Variants in TMEM40 observed in about 807,000 individuals in gnomAD.
TMEM40 encodes transmembrane protein 40.
In TMEM40, 34 loss-of-function variants were observed where a neutral mutation model predicts 40.8. That is an observed-to-expected ratio of 0.83 (90% CI 0.63 to 1.11). The LOEUF is 1.11. TMEM40 is among the 50% of genes least tolerant of loss of function. TMEM40 has a pLI of 0.00. For synonymous variants in TMEM40, 106 were observed against 107.0 expected, an observed-to-expected ratio of 0.99 and a Z score of 0.06; for missense variants, 296 against 280.2, an observed-to-expected ratio of 1.06 and a Z score of -0.40.
At chr3:12,746,493 G>T (rs2106614029) in intron 3 of TMEM40, among the ~76,000 whole-genome samples, 1 of 152,280 alleles carries the variant, frequency 6.6e-6, no homozygotes. Flanking sequence ...AAAATTAACT[G>T]GATTAAAACA....
At chr3:12,745,197 T>A (rs140283690) in intron 3 of TMEM40, among the ~76,000 whole-genome samples, 2,472 of 150,888 alleles carry the variant, frequency 0.016, 41 homozygotes, top group African/African-American at 0.036. Context: ...GTAGCTCAGA[T>A]TACAGGCGTG....
At position 12,749,828 on chromosome 3, in the gene TMEM40, T is replaced by G. The variant is rs534045803; in HGVS notation, c.5A>C (p.Glu2Ala). The G allele has an allele frequency of 4.3e-6, 7 of 1,613,954 alleles. No homozygotes were observed. The Admixed American group carries it at 1.2e-4, about 27-fold the overall frequency. M[E>A]TSASSSQPQD... ...AGGCTGGGAGGAGGATGCTGAAGTCTCCATGGCTTTTCCTGGAGGAATAAC... is the reference window on the plus strand; with the variant it reads ...AGGCTGGGAGGAGGATGCTGAAGTCGCCATGGCTTTTCCTGGAGGAATAAC... Residue 2 changes from glutamate to alanine, a missense_variant, in exon 2 of 12, where the codon GAG becomes GCG. Transcript: ENST00000314124.
intron 5 of TMEM40, 197 bp from the exon 6 acceptor site, chr3:12,738,785 T>C: frequency 1.7e-6 from 1 of 581,152 alleles, no homozygotes; most frequent in Non-Finnish European, 3.1e-6. Flanking sequence ...AAAGCTGCTG[T>C]AGGAACGCCT....
rs2061353366 is a variant in TMEM40 at position 12,738,299 on chromosome 3, TTC to T, written c.392-133_392-132del. The stretch of plus-strand genomic sequence containing the variant: ...GAATTCTGCAGCCCCCACGGTATCC[TTC>T]TCTCTATTGATGGCTGGTTGGTTGT... On this transcript the variant is annotated intron_variant, in intron 6 of 11. Transcript: ENST00000314124. The T allele has an allele frequency of 2.1e-5, 23 of 1,091,716 alleles. No individual in the cohort carries two copies. The South Asian group carries it at 3.1e-4, about 14-fold the overall frequency. 67.6% of individuals were successfully genotyped at this position (1,091,716 alleles called of 1,614,324 possible).
rs371954657 is a variant in TMEM40, at chr3:12,752,360, A to G, written c.-8-2520T>C. Among the ~76,000 whole-genome samples the G allele has an allele frequency of 1.2e-4, 18 of 152,284 alleles. 2 individuals are homozygous for G. The highest frequency in any genetic ancestry group is 2.6e-4 in the Admixed American group (4 of 15,290). On this transcript the variant is annotated intron_variant, in intron 1 of 11. Transcript: ENST00000314124. ...AGCCGGGAACAAAGGAAAAATGATG[A>G]TAACAAGCAGCTATAAGTGCCTACT...
chr3:12,737,958 G>A, intron 7 of TMEM40, 178 bp downstream of exon 7: 2 of 968,230 alleles, frequency 2.1e-6, no homozygotes, highest in Admixed American at 4.3e-5. Flanking sequence ...TTAGGCCCGA[G>A]TCTGCCTTCC....
At chr3:12,737,557 G>A in intron 8 of TMEM40, 150 bp downstream of exon 8, 1 of 722,376 alleles carries the variant, frequency 1.4e-6, no homozygotes. Flanking sequence ...CCACCCTGTT[G>A]AGGTGATTCT....
At chr3:12,760,085 A>T (rs1054027326), upstream of TMEM40, among the ~76,000 whole-genome samples, 1 of 152,140 alleles carries the variant, frequency 6.6e-6, no homozygotes, top group Non-Finnish European at 1.5e-5. Flanking sequence ...CACACTCTGT[A>T]TCTGACCCAT....
chr3:12,755,688 CA>C (rs1184561841), intron 1 of TMEM40, among the ~76,000 whole-genome samples: 2 of 152,168 alleles, frequency 1.3e-5, no homozygotes. Context: ...CCCTGATGTG[CA>C]CCCTTGGCTC....
intron 1 of TMEM40, among the ~76,000 whole-genome samples, chr3:12,755,353 G>A (rs544281755): frequency 1.3e-5 from 2 of 151,104 alleles, no homozygotes; most frequent in East Asian, 3.9e-4. Flanking sequence ...ATGGCTCACT[G>A]CAGCCTTGAA....
At chr3:12,742,053 A>C (rs567081874) in intron 5 of TMEM40, among the ~76,000 whole-genome samples, 1 of 152,270 alleles carries the variant, frequency 6.6e-6, no homozygotes, top group Admixed American at 6.5e-5. Context: ...AACATAGTGA[A>C]ACCCTGTCTC....
At chr3:12,758,142 A>AG (rs1458176069) in intron 1 of TMEM40, among the ~76,000 whole-genome samples, 1 of 151,710 alleles carries the variant, frequency 6.6e-6, no homozygotes, top group Non-Finnish European at 1.5e-5. Context: ...GAAATAAGGC[A>AG]GGGAGCAGGG....
chr3:12,737,803 G>T, intron 7 of TMEM40, 49 bp from the exon 8 acceptor site: 1 of 1,577,748 alleles, frequency 6.3e-7, no homozygotes. Context: ...CAGGACGGGA[G>T]GTGGGATTTT....
chr3:12,737,426 G>A, intron 8 of TMEM40: 2 of 528,812 alleles, frequency 3.8e-6, no homozygotes, highest in Non-Finnish European at 6.7e-6. Context: ...CCTAGTGACT[G>A]TGCATAGCAG....
chr3:12,751,469 G>T (rs1344460805), intron 1 of TMEM40, among the ~76,000 whole-genome samples: 1 of 151,614 alleles, frequency 6.6e-6, no homozygotes, highest in Non-Finnish European at 1.5e-5. Context: ...TAGTAGAGAC[G>T]TGGTTTCACC....
At chr3:12,746,264 G>A (rs2061427276) in intron 3 of TMEM40, among the ~76,000 whole-genome samples, 1 of 131,026 alleles carries the variant, frequency 7.6e-6, no homozygotes, top group African/African-American at 4.1e-5. Context: ...TTCATTGCTA[G>A]TCCCTAGTAC....
At chr3:12,760,300 C>T (rs1053677469), upstream of TMEM40, among the ~76,000 whole-genome samples, 1 of 152,162 alleles carries the variant, frequency 6.6e-6, no homozygotes, top group Admixed American at 6.5e-5. Flanking sequence ...CAGCAGCTGC[C>T]ACACTCCCAC....
In TMEM40 at chr3:12,737,696, A is replaced by C. The variant is rs1378494916; in HGVS notation, c.472+11T>G. On this transcript the variant is annotated intron_variant, in intron 8 of 11. Coordinates refer to ENST00000314124, the MANE Select transcript of TMEM40 (RefSeq NM_018306.4). ...CAGGAAAAAGCAGCTCTGCTACACC[A>C]AGTTCCTTACCATCTTTCTTTATAT... is the stretch of plus-strand genomic sequence containing the variant. 1 of 1,613,928 alleles carries C rather than the reference A, an allele frequency of 6.2e-7. No individual in the cohort carries two copies. Among genetic ancestry groups the C allele is most frequent in the South Asian group, 1.1e-5 (1 of 91,074 alleles).
At chr3:12,761,901 T>C (rs140523778), upstream of TMEM40, among the ~76,000 whole-genome samples, 423 of 152,314 alleles carry the variant, frequency 2.8e-3, 1 homozygote, top group Non-Finnish European at 5.0e-3. Context: ...ATATACAACA[T>C]ATATATGTAT....
Sources: gnomAD v4.1 joint callset for allele counts (sites outside exome capture counted in the v4.1 genomes callset) on GRCh38, gnomAD v4.1.1 for gene constraint, MANE v1.5 for transcripts, NCBI Gene and HGNC (gene_info 2026-07-23, HGNC 2026-07-21) for gene names.